The following CDH8 variants were observed in gnomAD, a reference collection of about 807,000 sequenced individuals.
CDH8 encodes the protein cadherin-8.
A neutral mutation model predicts 68.1 loss-of-function variants in CDH8; 17 were observed. The observed-to-expected ratio is 0.25, with a 90% confidence interval of 0.17 to 0.37. The LOEUF is 0.37. CDH8 is among the 10% of genes least tolerant of loss of function. The pLI, the probability that CDH8 is intolerant of heterozygous loss-of-function variation, is 1.00. For missense variants in CDH8, 763 were observed against 999.3 expected, an observed-to-expected ratio of 0.76 and a Z score of 3.19; for synonymous variants, 372 against 365.1, an observed-to-expected ratio of 1.02 and a Z score of -0.21.
chr16:61,841,635 T>TAAC, intron 4 of CDH8, among the ~76,000 whole-genome samples: 1 of 152,262 alleles, frequency 6.6e-6, no homozygotes, highest in East Asian at 1.9e-4. Flanking sequence ...TCAATAATAA[T>TAAC]AACTTAATTG....
intron 8 of CDH8, among the ~76,000 whole-genome samples, chr16:61,762,602 C>T (rs901544595): frequency 2.0e-5 from 3 of 152,032 alleles, no homozygotes; most frequent in Non-Finnish European, 4.4e-5. Context: ...AATTCTCAGG[C>T]CCCAAACAAG....
intron 2 of CDH8, among the ~76,000 whole-genome samples, chr16:61,917,061 T>TTGTG: frequency 8.5e-6 from 1 of 117,528 alleles, no homozygotes; most frequent in African/African-American, 3.6e-5. Context: ...ATTTACCTAT[T>TTGTG]AGTGTGTGTG....
chr16:61,822,120 C>A (rs1402432838), intron 5 of CDH8, among the ~76,000 whole-genome samples: 6 of 136,548 alleles, frequency 4.4e-5, no homozygotes, highest in Admixed American at 2.4e-4. Flanking sequence ...TTTTTCTTTT[C>A]TTTTCCTTCT....
chr16:61,711,446 G>A (rs1964628226), intron 10 of CDH8: 1 of 151,670 alleles, frequency 6.6e-6, no homozygotes, highest in Non-Finnish European at 1.5e-5. Flanking sequence ...AACTCATACT[G>A]CTCTCAGTAG....
At chr16:62,029,172 A>G (rs937855302) in intron 1 of CDH8, among the ~76,000 whole-genome samples, 2 of 152,314 alleles carry the variant, frequency 1.3e-5, no homozygotes, top group African/African-American at 4.8e-5. Context: ...AAGATTAAGG[A>G]AGAAATAAAT....
At chr16:61,670,774 CT>C (rs1963775125) in intron 10 of CDH8, among the ~76,000 whole-genome samples, 2 of 150,884 alleles carry the variant, frequency 1.3e-5, no homozygotes, top group South Asian at 4.2e-4. Flanking sequence ...GTTTTTTTTT[CT>C]TTTATCTGAT....
chr16:61,693,254 G>C (rs191297929), intron 10 of CDH8: 1 of 152,200 alleles, frequency 6.6e-6, no homozygotes, highest in East Asian at 1.9e-4. Context: ...AAACTAGTTT[G>C]GGGAGAAGAG....
chr16:61,689,984 A>G (rs529820884), intron 10 of CDH8, among the ~76,000 whole-genome samples: 1 of 152,162 alleles, frequency 6.6e-6, no homozygotes, highest in South Asian at 2.1e-4. Context: ...ATTTCACCTC[A>G]GTTAACCAGT....
chr16:61,758,232 G>A (rs1027047738), intron 8 of CDH8, among the ~76,000 whole-genome samples: 3 of 152,034 alleles, frequency 2.0e-5, no homozygotes, highest in African/African-American at 7.3e-5. Flanking sequence ...ACACCTTTGA[G>A]TCATGTAGAA....
At chr16:61,823,421 T>C (rs1396212407) in intron 5 of CDH8, among the ~76,000 whole-genome samples, 1 of 151,926 alleles carries the variant, frequency 6.6e-6, no homozygotes, top group Non-Finnish European at 1.5e-5. Context: ...TCATTTATCT[T>C]CCTCAACTGA....
rs943791224 is a variant in CDH8 at position 61,939,804 on chromosome 16, T to C, written c.253-38331A>G. 2.0e-5 allele frequency among the ~76,000 whole-genome samples: 3 copies of C among 152,178 alleles called. No individual in the cohort carries two copies. In the East Asian group the frequency reaches 5.8e-4, roughly 29 times the overall value. On this transcript the variant is annotated intron_variant, in intron 2 of 11. Coordinates refer to ENST00000577390, the MANE Select transcript of CDH8 (RefSeq NM_001796.5). ...GAAAGATGTGAAACAATATTGTAAATAGCTGTCACTAACGGACTATCTGCC... is the reference window on the plus strand; with the variant it reads ...GAAAGATGTGAAACAATATTGTAAACAGCTGTCACTAACGGACTATCTGCC...
intron 2 of CDH8, among the ~76,000 whole-genome samples, chr16:61,959,765 A>G (rs1181262933): frequency 1.3e-5 from 2 of 149,758 alleles, no homozygotes; most frequent in Non-Finnish European, 3.0e-5. Context: ...CTATATATAC[A>G]CACACACAGA....
intron 7 of CDH8, among the ~76,000 whole-genome samples, chr16:61,814,526 G>A (rs1962030182): frequency 6.6e-6 from 1 of 152,202 alleles, no homozygotes; most frequent in African/African-American, 2.4e-5. Context: ...CGCGTGAGAA[G>A]CCAACCAACC....
chr16:61,680,022 A>T (rs907859805), intron 10 of CDH8, among the ~76,000 whole-genome samples: 3 of 152,012 alleles, frequency 2.0e-5, no homozygotes, highest in African/African-American at 7.2e-5. Context: ...CTGTCAAGTG[A>T]ATGAAAACAA....
chr16:61,667,299 G>C (rs1963699248), intron 10 of CDH8: 1 of 151,442 alleles, frequency 6.6e-6, no homozygotes, highest in Non-Finnish European at 1.5e-5. Context: ...GGTCCACTTT[G>C]GCTTTGGAAA....
chr16:61,674,866 T>C (rs1000853824), intron 10 of CDH8, among the ~76,000 whole-genome samples: 105 of 151,172 alleles, frequency 6.9e-4, no homozygotes, highest in Admixed American at 3.3e-4. Context: ...TATAAAGAAC[T>C]GCAGAAGAAA....
chr16:61,687,265 G>A (rs764220625), intron 10 of CDH8, among the ~76,000 whole-genome samples: 5 of 151,690 alleles, frequency 3.3e-5, no homozygotes, highest in Admixed American at 6.6e-5. Context: ...AAAAAAAATC[G>A]GTCACAAAGT....
At chr16:61,704,499 A>C (rs1197223211) in intron 10 of CDH8, among the ~76,000 whole-genome samples, 1 of 152,242 alleles carries the variant, frequency 6.6e-6, no homozygotes, top group Non-Finnish European at 1.5e-5. Flanking sequence ...TATTTTATAC[A>C]GTAATTTCTA....
intron 9 of CDH8, chr16:61,714,173 A>G: frequency 3.9e-6 from 2 of 518,800 alleles, no homozygotes; most frequent in South Asian, 4.9e-5. Flanking sequence ...AATTAAGAGC[A>G]TTACCTTTGT....
Sources: gnomAD v4.1 joint callset for allele counts (sites outside exome capture counted in the v4.1 genomes callset) on GRCh38, gnomAD v4.1.1 for gene constraint, MANE v1.5 for transcripts, NCBI Gene and HGNC (gene_info 2026-07-23, HGNC 2026-07-21) for gene names.